Variants in CYFIP2 observed in about 807,000 individuals in gnomAD.
CYFIP2 encodes cytoplasmic FMR1 interacting protein 2, also known as cytoplasmic FMR1-interacting protein 2.
In CYFIP2, 29 loss-of-function variants were observed where a neutral mutation model predicts 158.7. The ratio of observed to expected loss-of-function variants is 0.18; its 90% CI spans 0.14 to 0.25. The LOEUF (loss-of-function observed/expected upper bound fraction) is 0.25, where lower values mean the gene tolerates loss of function less well. CYFIP2 is among the 10% of genes least tolerant of loss of function. The probability of loss-of-function intolerance (pLI) is 1.00; values close to 1 mark genes in which losing one functional copy is unlikely to be tolerated. For missense variants in CYFIP2, 852 were observed against 1,639.5 expected (o/e 0.52, Z 8.29); for synonymous variants, 585 against 617.6 (o/e 0.95, Z 0.78).
chr5:157,384,458 G>A (rs1470330270), intron 28 of CYFIP2: 1 of 456,838 alleles, frequency 2.2e-6, no homozygotes, highest in Admixed American at 2.3e-5. Context: ...CCTCTTTGGT[G>A]TTCTCACCAA....
intron 1 of CYFIP2, among the ~76,000 whole-genome samples, chr5:157,278,750 C>G (rs1034080831): frequency 6.6e-6 from 1 of 152,166 alleles, no homozygotes; most frequent in Non-Finnish European, 1.5e-5. Flanking sequence ...AGGCCACAGA[C>G]TAGCGAATGT....
Position 157,392,946 on chromosome 5 carries a change from G to A in CYFIP2, c.3708G>A (p.Glu1236=), listed in dbSNP as rs761537486. 1.9e-6 allele frequency: 3 copies of A among 1,613,964 alleles called. No homozygotes were observed. The highest frequency in any genetic ancestry group is 1.7e-6 in the Non-Finnish European group (2 of 1,179,888). ...KSVETDSSTV[E]HVRCFQPPIH... Reference sequence around the variant, plus strand: ...TGGAGACAGACAGTTCCACTGTGGAGCATGTGCGCTGCTTCCAGCCACCCA... The same window carrying A: ...TGGAGACAGACAGTTCCACTGTGGAACATGTGCGCTGCTTCCAGCCACCCA... Residue 1236 remains glutamate, a synonymous_variant, in exon 31 of 31, where the codon GAG becomes GAA. Coordinates refer to ENST00000620254, the MANE Select transcript of CYFIP2 (RefSeq NM_001037333.3).
At chr5:157,270,007 A>G (rs1755951268) in intron 1 of CYFIP2, among the ~76,000 whole-genome samples, 1 of 152,220 alleles carries the variant, frequency 6.6e-6, no homozygotes, top group African/African-American at 2.4e-5. Context: ...CTTGAAAGAA[A>G]TTGTTTTGAG....
intron 29 of CYFIP2, 60 bp from the exon 30 acceptor site, chr5:157,390,461 T>G: frequency 3.6e-5 from 21 of 591,240 alleles, no homozygotes; most frequent in Non-Finnish European, 5.3e-5. Context: ...TGAGGCTCCC[T>G]CCCTCCCTGC....
chr5:157,389,215 C>T lies in CYFIP2; in HGVS notation c.3234C>T (p.Asp1078=), dbSNP rs1309133905. 6.2e-7 allele frequency: 1 copy of T among 1,613,234 alleles called. No individual in the cohort carries two copies. Among genetic ancestry groups the T allele is most frequent in the Non-Finnish European group, 8.5e-7 (1 of 1,179,354 alleles). Residue 1078 remains aspartate (D), a synonymous_variant, in exon 29 of 31, where the codon GAC becomes GAT. Transcript: ENST00000620254. The part of the protein sequence containing the change: ...PQQIAIAREG[D]LLTKERLCCG... ...AAATCGCCATTGCTCGCGAGGGTGA[C>T]CTCCTGACCAAGGAGCGGCTGTGCT...
intron 26 of CYFIP2, among the ~76,000 whole-genome samples, chr5:157,367,325 A>G (rs778606020): frequency 1.3e-5 from 2 of 152,214 alleles, no homozygotes; most frequent in Admixed American, 6.5e-5. Flanking sequence ...GTGGCAACCA[A>G]TAATGTCTCT....
At chr5:157,381,477 G>A (rs545847393) in intron 26 of CYFIP2, among the ~76,000 whole-genome samples, 4 of 139,430 alleles carry the variant, frequency 2.9e-5, no homozygotes, top group Admixed American at 8.1e-5. Flanking sequence ...GCAGTGAGCC[G>A]AGATCATACC....
rs1374827540 is a variant in CYFIP2 at position 157,320,714 on chromosome 5, A to G, written c.1583A>G (p.Asn528Ser). ...CDWEGGREPP[N>S]DPCLRGEKDP... ...TGGGAGGGAGGGCGAGAGCCCCCTAATGACCCATGCTTGAGAGGGGAGAAG... is the reference window on the plus strand; with the variant it reads ...TGGGAGGGAGGGCGAGAGCCCCCTAGTGACCCATGCTTGAGAGGGGAGAAG... Residue 528 changes from asparagine (N) to serine (S), a missense_variant, in exon 15 of 31, where the codon AAT (asparagine) becomes AGT (serine). Asn to Ser is a conservative substitution (Grantham distance 46, BLOSUM62 1). Transcript: ENST00000620254. The G allele has an allele frequency of 1.9e-6, 3 of 1,613,832 alleles. No individual in the cohort carries two copies. Among genetic ancestry groups the G allele is most frequent in the Non-Finnish European group, 2.5e-6 (3 of 1,179,790 alleles).
chr5:157,318,210 G>A (rs973285446), intron 13 of CYFIP2, among the ~76,000 whole-genome samples: 4 of 152,160 alleles, frequency 2.6e-5, no homozygotes, highest in Non-Finnish European at 5.9e-5. Context: ...AAGAGCAGCT[G>A]TTTTTAATTT....
chr5:157,286,153 G>C (rs928324747), intron 2 of CYFIP2, among the ~76,000 whole-genome samples: 2 of 152,102 alleles, frequency 1.3e-5, no homozygotes, highest in Non-Finnish European at 2.9e-5. Flanking sequence ...GATGTATGAA[G>C]TACATGCTTG....
chr5:157,348,521 C>T (rs2113295109), intron 23 of CYFIP2, among the ~76,000 whole-genome samples: 1 of 152,344 alleles, frequency 6.6e-6, no homozygotes, highest in East Asian at 1.9e-4. Flanking sequence ...CAGTGATTCT[C>T]CTGCCTCAGC....
intron 1 of CYFIP2, among the ~76,000 whole-genome samples, chr5:157,279,674 A>G (rs1756841390): frequency 6.6e-6 from 1 of 152,248 alleles, no homozygotes; most frequent in South Asian, 2.1e-4. Flanking sequence ...TAAACCCATC[A>G]TGAATGCCCG....
chr5:157,374,240 A>G (rs959813056), intron 26 of CYFIP2, among the ~76,000 whole-genome samples: 3 of 152,222 alleles, frequency 2.0e-5, no homozygotes, highest in Non-Finnish European at 2.9e-5. Flanking sequence ...AGGTGACCCC[A>G]GGGCCATCAC....
intron 15 of CYFIP2, among the ~76,000 whole-genome samples, chr5:157,322,010 A>G (rs1760632713): frequency 1.3e-5 from 2 of 152,214 alleles, no homozygotes; most frequent in African/African-American, 4.8e-5. Context: ...GGGACTTAAC[A>G]GGCAGAGAGA....
intron 1 of CYFIP2, among the ~76,000 whole-genome samples, chr5:157,273,072 G>A (rs990787921): frequency 6.6e-6 from 1 of 152,062 alleles, no homozygotes; most frequent in African/African-American, 2.4e-5. Flanking sequence ...CACCATGTTG[G>A]TCAGGCTGGT....
intron 23 of CYFIP2, among the ~76,000 whole-genome samples, chr5:157,347,610 A>G (rs541771659): frequency 3.2e-4 from 49 of 152,244 alleles, no homozygotes; most frequent in Non-Finnish European, 7.1e-4. Context: ...TGCCCTTTGA[A>G]AAGGTTATTT....
intron 5 of CYFIP2, 63 bp from the exon 6 acceptor site, chr5:157,300,652 A>C: frequency 2.3e-6 from 3 of 1,330,890 alleles, no homozygotes; most frequent in Non-Finnish European, 2.9e-6. Context: ...GCCCTAGAGG[A>C]GCCTGGACCC....
rs1286746476 is a variant in CYFIP2 at position 157,343,358 on chromosome 5, G to C, written c.2673+2201G>C. ...AGGGGCAAGATGTTCCAGCACCACG[G>C]AGCTGATCGTTCGAGGCACCTTCTC... On this transcript the variant is annotated intron_variant, in intron 23 of 30. Transcript: ENST00000620254. 14 of 1,614,052 alleles carry C rather than the reference G, an allele frequency of 8.7e-6. 1 individual carries two copies. In the African/African-American group the frequency reaches 1.9e-4, roughly 22 times the overall value.
intron 1 of CYFIP2, among the ~76,000 whole-genome samples, chr5:157,279,489 C>T (rs572263636): frequency 7.2e-5 from 11 of 152,330 alleles, no homozygotes; most frequent in African/African-American, 1.7e-4. Flanking sequence ...TCCTGGCAGT[C>T]GCCCTGCATT....
Sources: gnomAD v4.1 joint callset for allele counts (sites outside exome capture counted in the v4.1 genomes callset) on GRCh38, gnomAD v4.1.1 for gene constraint, MANE v1.5 for transcripts, NCBI Gene and HGNC (gene_info 2026-07-23, HGNC 2026-07-21) for gene names.